PALM2AKAP2: variants seen among roughly 807,000 people sequenced by gnomAD.
PALM2AKAP2 encodes the protein PALM2-AKAP2 fusion protein.
Under a neutral mutation model 71.5 loss-of-function variants are expected in PALM2AKAP2, and 37 were observed. The observed-to-expected ratio is 0.52, with a 90% CI of 0.40 to 0.68. PALM2AKAP2 has a LOEUF of 0.68. PALM2AKAP2 is among the 30% of genes least tolerant of loss of function. The probability of loss-of-function intolerance (pLI) is 0.00; values close to 1 mark genes in which losing one functional copy is unlikely to be tolerated. For missense variants in PALM2AKAP2, 1,224 were observed against 1,191.8 expected, an observed-to-expected ratio of 1.03 and a Z score of -0.40; for synonymous variants, 468 against 478.8, an observed-to-expected ratio of 0.98 and a Z score of 0.29.
chr9:109,884,689 T>G (rs1286823185), intron 3 of PALM2AKAP2, among the ~76,000 whole-genome samples: 2 of 152,268 alleles, frequency 1.3e-5, no homozygotes, highest in East Asian at 3.9e-4. Flanking sequence ...CTGTAGATCT[T>G]TAGATTTGGG....
intron 6 of PALM2AKAP2, among the ~76,000 whole-genome samples, chr9:110,007,377 T>C (rs1386353627): frequency 1.3e-5 from 2 of 152,178 alleles, no homozygotes; most frequent in Admixed American, 6.5e-5. Flanking sequence ...GTTCCCACAG[T>C]TGGTCTCAGC....
At chr9:109,913,462 T>A (rs1273529074) in intron 3 of PALM2AKAP2, among the ~76,000 whole-genome samples, 1 of 152,056 alleles carries the variant, frequency 6.6e-6, no homozygotes, top group African/African-American at 2.4e-5. Context: ...GTGGCAGAGA[T>A]TTGGGGAGTA....
chr9:110,099,779 A>T (rs1834947380), intron 1 of PALM2AKAP2, among the ~76,000 whole-genome samples: 1 of 152,034 alleles, frequency 6.6e-6, no homozygotes, highest in Admixed American at 6.6e-5. Context: ...GGTAATAATC[A>T]TAGTCAGTTT....
chr9:109,675,867 A>G (rs996775606), intron 1 of PALM2AKAP2, among the ~76,000 whole-genome samples: 1 of 152,136 alleles, frequency 6.6e-6, no homozygotes, highest in Non-Finnish European at 1.5e-5. Context: ...TCCCCCTTTG[A>G]TGACTGTTTA....
In PALM2AKAP2 at chr9:109,847,266, G is replaced by A. The variant is rs1828883450; in HGVS notation, c.46-20225G>A. Among the ~76,000 whole-genome samples the A allele has an allele frequency of 2.6e-5, 4 of 152,230 alleles. No homozygotes were observed. In the South Asian group the frequency reaches 8.3e-4, roughly 32 times the overall value. The stretch of plus-strand genomic sequence containing the variant: ...GATCTGACAGATAGAAGGGGAGAAG[G>A]CAATGCGATCACCACTAGGTAGAGG... On this transcript the variant is annotated intron_variant, in intron 1 of 9. Transcript: ENST00000302798.
At chr9:110,157,544 G>A (rs577318685) in intron 3 of PALM2AKAP2, among the ~76,000 whole-genome samples, 10 of 152,176 alleles carry the variant, frequency 6.6e-5, no homozygotes, top group African/African-American at 2.2e-4. Flanking sequence ...GACCACACGC[G>A]TATGCCACCA....
chr9:109,852,731 T>A (rs1434062537), intron 1 of PALM2AKAP2, among the ~76,000 whole-genome samples: 2 of 152,208 alleles, frequency 1.3e-5, no homozygotes, highest in Admixed American at 1.3e-4. Context: ...CCATTCTGAC[T>A]GGAGTGAGTT....
At chr9:109,660,937 A>G (rs1396183561) in intron 1 of PALM2AKAP2, among the ~76,000 whole-genome samples, 1 of 152,080 alleles carries the variant, frequency 6.6e-6, no homozygotes, top group East Asian at 1.9e-4. Flanking sequence ...GCATTTTTTC[A>G]TGGGTCTGTT....
intron 1 of PALM2AKAP2, among the ~76,000 whole-genome samples, chr9:109,851,735 C>T (rs1829027088): frequency 1.3e-5 from 2 of 152,244 alleles, no homozygotes; most frequent in Non-Finnish European, 2.9e-5. Flanking sequence ...AATGAAGTTC[C>T]CCTGCTGTCT....
intron 1 of PALM2AKAP2, among the ~76,000 whole-genome samples, chr9:109,809,939 G>T (rs1219824003): frequency 6.6e-6 from 1 of 152,152 alleles, no homozygotes; most frequent in African/African-American, 2.4e-5. Context: ...TGCCAGGATT[G>T]TGAGGCCTCC....
At chr9:109,855,019 C>T (rs758988327) in intron 1 of PALM2AKAP2, among the ~76,000 whole-genome samples, 37 of 151,946 alleles carry the variant, frequency 2.4e-4, no homozygotes, top group African/African-American at 8.0e-4. Flanking sequence ...CTGCCCGCCT[C>T]GGCCCCCCAA....
At chr9:110,136,881 T>A in exon 2 of PALM2AKAP2, 1 of 1,614,104 alleles carries the variant, frequency 6.2e-7, no homozygotes, top group Non-Finnish European at 8.5e-7. Flanking sequence ...TCAGAGGAGA[T>A]GCTGGAGCTG....
At chr9:109,823,486 C>A (rs1021397297) in intron 1 of PALM2AKAP2, among the ~76,000 whole-genome samples, 3 of 152,170 alleles carry the variant, frequency 2.0e-5, no homozygotes, top group Non-Finnish European at 2.9e-5. Context: ...GTCACAGAGG[C>A]AGCTTTCAAT....
At chr9:110,043,713 G>GGT (rs1491012266), upstream of PALM2AKAP2, among the ~76,000 whole-genome samples, 1 of 105,060 alleles carries the variant, frequency 9.5e-6, no homozygotes, top group South Asian at 2.9e-4. Flanking sequence ...CGTTTTTTTT[G>GGT]GTGTTTTTTT....
At chr9:109,962,695 T>C (rs970891966) in intron 6 of PALM2AKAP2, among the ~76,000 whole-genome samples, 12 of 151,108 alleles carry the variant, frequency 7.9e-5, no homozygotes, top group Non-Finnish European at 1.8e-4. Context: ...CAGGCTGGAG[T>C]GCAGTGGCAC....
At chr9:109,643,625 A>T (rs981757434) in intron 1 of PALM2AKAP2, among the ~76,000 whole-genome samples, 1 of 152,128 alleles carries the variant, frequency 6.6e-6, no homozygotes, top group Admixed American at 6.6e-5. Context: ...GCTCCACAGG[A>T]TCCAAATTAC....
chr9:109,850,866 C>T (rs567243057), intron 1 of PALM2AKAP2, among the ~76,000 whole-genome samples: 16 of 152,128 alleles, frequency 1.1e-4, no homozygotes, highest in Admixed American at 5.2e-4. Flanking sequence ...TGATCTTCCA[C>T]CTTGACTGAC....
At chr9:110,015,530 C>T (rs990923371) in intron 6 of PALM2AKAP2, among the ~76,000 whole-genome samples, 5 of 152,112 alleles carry the variant, frequency 3.3e-5, no homozygotes, top group African/African-American at 1.2e-4. Context: ...ATTGCTGAGG[C>T]AGGAGGCGGA....
intron 1 of PALM2AKAP2, among the ~76,000 whole-genome samples, chr9:109,739,399 A>T (rs1311815261): frequency 2.6e-5 from 4 of 152,054 alleles, no homozygotes. Flanking sequence ...ATGCCTATTT[A>T]AAAAAAATAG....
Sources: allele counts gnomAD v4.1 joint callset (sites outside exome capture counted in the v4.1 genomes callset), GRCh38; gene constraint gnomAD v4.1.1; transcripts MANE v1.5; gene names NCBI Gene and HGNC (gene_info 2026-07-23, HGNC 2026-07-21).